The following CUX2 variants were observed in gnomAD, a reference collection of about 807,000 sequenced individuals.
CUX2 encodes cut like homeobox 2, also known as homeobox protein cut-like 2.
A neutral mutation model predicts 144.8 loss-of-function variants in CUX2; 40 were observed. The ratio of observed to expected loss-of-function variants is 0.28; its 90% CI spans 0.21 to 0.36. The LOEUF is 0.36. Ranked by LOEUF, CUX2 falls within the 10% of genes least tolerant of loss-of-function variation. The pLI, the probability that CUX2 is intolerant of heterozygous loss-of-function variation, is 1.00. For missense variants in CUX2, 1,615 were observed against 1,994.0 expected, an observed-to-expected ratio of 0.81 and a Z score of 3.62; for synonymous variants, 827 against 875.6, an observed-to-expected ratio of 0.94 and a Z score of 0.98.
chr12:111,129,607 T>C (rs183327062), intron 1 of CUX2, among the ~76,000 whole-genome samples: 1 of 152,376 alleles, frequency 6.6e-6, no homozygotes, highest in African/African-American at 2.4e-5. Context: ...GTCTTCTACA[T>C]AGGCCAGATC....
At position 111,340,163 on chromosome 12, in the gene CUX2, C is replaced by T. The variant is rs562678693; in HGVS notation, c.3386-1617C>T. ...GTGAGCCAAGAGGATCGTGCCACTG[C>T]ACTCCAACCTGGGCGACAGAGCGAG... On this transcript the variant is annotated intron_variant, in intron 20 of 21. Transcript: ENST00000261726. Among the ~76,000 whole-genome samples the T allele has an allele frequency of 5.3e-5, 8 of 152,302 alleles. No homozygotes were observed. In the South Asian group the frequency reaches 1.4e-3, roughly 28 times the overall value.
At chr12:111,156,985 C>CAAAAAAAAAA (rs1200398908) in intron 1 of CUX2, among the ~76,000 whole-genome samples, 1 of 18,986 alleles carries the variant, frequency 5.3e-5, no homozygotes, top group African/African-American at 2.8e-4. Flanking sequence ...AAACTTCTCT[C>CAAAAAAAAAA]AAAAAAAAAA....
At chr12:111,254,085 GA>G (rs1427975102) in intron 3 of CUX2, among the ~76,000 whole-genome samples, 3 of 152,152 alleles carry the variant, frequency 2.0e-5, no homozygotes, top group Non-Finnish European at 4.4e-5. Context: ...CTGGCTAGTT[GA>G]GGAAATGGAG....
intron 4 of CUX2, among the ~76,000 whole-genome samples, chr12:111,267,195 C>CAAAA (rs11290695): frequency 1.7e-3 from 110 of 65,260 alleles, no homozygotes; most frequent in Non-Finnish European, 2.1e-3. Context: ...AAGACCCTGT[C>CAAAA]AAAAAAAAAA....
At chr12:111,336,456 G>GTGTT (rs1160701816) in intron 19 of CUX2, among the ~76,000 whole-genome samples, 1 of 148,778 alleles carries the variant, frequency 6.7e-6, no homozygotes, top group Non-Finnish European at 1.5e-5. Flanking sequence ...GTGTGTGTGT[G>GTGTT]TGTTTAAGAT....
Position 111,293,194 on chromosome 12 carries a change from A to G in CUX2, c.437-252A>G, listed in dbSNP as rs1174561373. ...ACGTATATTTTACCACAATTTTAAAAGTATAATAAAGCAGGCCGCGGAGGC... is the reference window on the plus strand; with the variant it reads ...ACGTATATTTTACCACAATTTTAAAGGTATAATAAAGCAGGCCGCGGAGGC... On this transcript the variant is annotated intron_variant, in intron 5 of 21. Coordinates refer to ENST00000261726, the MANE Select transcript of CUX2 (RefSeq NM_015267.4). The surrounding 1 kb of genome is among the most constrained non-coding windows in gnomAD (Gnocchi z 4.5). Among the ~76,000 whole-genome samples the G allele has an allele frequency of 1.3e-5, 2 of 152,230 alleles. No homozygotes were observed. Among genetic ancestry groups the G allele is most frequent in the African/African-American group, 2.4e-5 (1 of 41,470 alleles).
intron 21 of CUX2, among the ~76,000 whole-genome samples, chr12:111,346,084 G>A (rs545632904): frequency 1.4e-5 from 2 of 144,270 alleles, no homozygotes; most frequent in East Asian, 2.1e-4. Context: ...CTCCAGCCTG[G>A]CAACAAAGTG....
At chr12:111,047,448 T>C (rs1227288724) in intron 1 of CUX2, among the ~76,000 whole-genome samples, 1 of 152,182 alleles carries the variant, frequency 6.6e-6, no homozygotes, top group Non-Finnish European at 1.5e-5. Flanking sequence ...TTTCTTTCCA[T>C]GGCAGACCTT....
chr12:111,107,420 G>A (rs545840356), intron 1 of CUX2, among the ~76,000 whole-genome samples: 1 of 152,390 alleles, frequency 6.6e-6, no homozygotes, highest in African/African-American at 2.4e-5. Flanking sequence ...AGGCAAAGAT[G>A]TCATGTACAT....
chr12:111,156,985 CAAAAAAAAAAAAAAA>C (rs1200398908), intron 1 of CUX2, among the ~76,000 whole-genome samples: 5 of 18,998 alleles, frequency 2.6e-4, no homozygotes, highest in African/African-American at 1.4e-3. Context: ...AAACTTCTCT[CAAAAAAAAAAAAAAA>C]AAAAAAAAAC....
At chr12:111,045,801 G>T (rs1242712215) in intron 1 of CUX2, among the ~76,000 whole-genome samples, 1 of 152,130 alleles carries the variant, frequency 6.6e-6, no homozygotes, top group Non-Finnish European at 1.5e-5. Flanking sequence ...TGTAAAATGG[G>T]ACTGAAACAC....
At chr12:111,046,736 A>G (rs1356934335) in intron 1 of CUX2, among the ~76,000 whole-genome samples, 1 of 152,098 alleles carries the variant, frequency 6.6e-6, no homozygotes, top group Non-Finnish European at 1.5e-5. Flanking sequence ...GGCTTACTGC[A>G]ACCTCTGCCT....
rs1177203379 is a variant in CUX2 at position 111,304,338 on chromosome 12, A to T, written c.858+24A>T. 1 of 1,586,844 alleles carries T rather than the reference A, an allele frequency of 6.3e-7. No homozygotes were observed. Among genetic ancestry groups the T allele is most frequent in the Non-Finnish European group, 8.6e-7 (1 of 1,157,406 alleles). ...GGGTAAGGATGGGGTTGGGGAAGTGAGCAGGGAGGGCAGAGGGAAAGATCG... is the reference window on the plus strand; with the variant it reads ...GGGTAAGGATGGGGTTGGGGAAGTGTGCAGGGAGGGCAGAGGGAAAGATCG... On this transcript the variant is annotated intron_variant, in intron 10 of 21. Transcript: ENST00000261726. This position sits in a 1 kb window ranked among gnomAD's most constrained non-coding sequence, Gnocchi z 4.7.
intron 4 of CUX2, chr12:111,270,576 G>C (rs771549411): frequency 4.0e-5 from 6 of 151,348 alleles, no homozygotes; most frequent in Admixed American, 1.3e-4. Context: ...TATCGCACTC[G>C]TAGAGTCACT....
chr12:111,183,760 G>T (rs752894547), intron 1 of CUX2, among the ~76,000 whole-genome samples: 1 of 152,140 alleles, frequency 6.6e-6, no homozygotes, highest in Non-Finnish European at 1.5e-5. Flanking sequence ...AGTGCCTGGC[G>T]CGTTCTGTTT....
rs753475141 is a variant in CUX2 at position 111,347,978 on chromosome 12, C to T, written c.4114C>T (p.Arg1372Ter). 2 of 1,614,116 alleles carry T rather than the reference C, an allele frequency of 1.2e-6. No homozygotes were observed. Among genetic ancestry groups the T allele is most frequent in the East Asian group, 2.2e-5 (1 of 44,886 alleles). ...CCAACAGGAGAGTGAGGCCGGGGAG[C>T]GACTTCACCCGGACCCTTTAAGTTT... ...HPQQESEAGE[R>*]LHPDPLSFKS... is the part of the protein sequence containing the mutation. The change falls in exon 22 of 22, where the codon CGA (arginine) becomes TGA (stop). Residue 1372 changes from arginine to a stop codon, truncating the protein, a stop_gained. Coordinates refer to ENST00000261726, the MANE Select transcript of CUX2 (RefSeq NM_015267.4). LOFTEE classifies it high-confidence loss of function.
At position 111,263,397 on chromosome 12, in the gene CUX2, A is replaced by T. The variant is rs1278871215; in HGVS notation, c.223-364A>T. Among the ~76,000 whole-genome samples, 1 of 152,180 alleles carries T rather than the reference A, an allele frequency of 6.6e-6. No homozygotes were observed. Among genetic ancestry groups the T allele is most frequent in the African/African-American group, 2.4e-5 (1 of 41,438 alleles). ...AAGGTGGGCAGATAACCTGAGGTCA[A>T]GAGTTTGAGACCATCCTGGCCAACG... On this transcript the variant is annotated intron_variant, in intron 3 of 21. Coordinates refer to ENST00000261726, the MANE Select transcript of CUX2 (RefSeq NM_015267.4). This position sits in a 1 kb window ranked among gnomAD's most constrained non-coding sequence, Gnocchi z 4.0.
chr12:111,320,273 C>T lies in CUX2; in HGVS notation c.2264C>T (p.Ala755Val), dbSNP rs1887450271. 3 of 1,594,208 alleles carry T rather than the reference C, an allele frequency of 1.9e-6. No homozygotes were observed. The highest frequency in any genetic ancestry group is 2.5e-6 in the Non-Finnish European group (3 of 1,177,448). ...CAGGAGGAGGGCAGCGGGGGCCCCG[C>T]GCAGGCGCCGCTCCCGGTCCTGTCC... ...VKQEEGSGGP[A>V]QAPLPVLSPA... Residue 755 changes from alanine to valine, a missense_variant, in exon 17 of 22, where the codon GCG (alanine) becomes GTG (valine). This residue lies in a region of CUX2 where 390 missense variants were observed against 387.1 expected (regional missense o/e 1.01). Transcript: ENST00000261726. The surrounding 1 kb of genome is among the most constrained non-coding windows in gnomAD (Gnocchi z 8.1).
intron 1 of CUX2, among the ~76,000 whole-genome samples, chr12:111,098,641 G>A (rs1043540076): frequency 2.0e-5 from 3 of 152,196 alleles, no homozygotes; most frequent in Non-Finnish European, 2.9e-5. Context: ...ACATGTTAAC[G>A]GGGGAATGGC....
Sources: allele counts gnomAD v4.1 joint callset (sites outside exome capture counted in the v4.1 genomes callset), GRCh38; gene constraint gnomAD v4.1.1; regional missense constraint gnomAD v4.1.1; non-coding constraint Gnocchi (gnomAD v3.1); transcripts MANE v1.5; gene names NCBI Gene and HGNC (gene_info 2026-07-23, HGNC 2026-07-21).